GPD1L: variants seen among roughly 807,000 people sequenced by gnomAD.
The protein encoded by GPD1L is glycerol-3-phosphate dehydrogenase 1-like protein.
GPD1L carries 17 observed loss-of-function variants against 32.9 expected under a neutral mutation model. That is an observed-to-expected ratio of 0.52 (90% CI 0.35 to 0.78). GPD1L has a LOEUF of 0.78. Among genes scored for constraint, GPD1L ranks in the 30% least tolerant of loss-of-function variants. The probability of loss-of-function intolerance (pLI) is 0.01; values close to 1 mark genes in which losing one functional copy is unlikely to be tolerated. For missense variants in GPD1L, 361 were observed against 447.8 expected (o/e 0.81, Z 1.75); for synonymous variants, 187 against 165.9 (o/e 1.13, Z -0.98).
At chr3:32,125,992 G>C (rs1472742216) in intron 1 of GPD1L, among the ~76,000 whole-genome samples, 1 of 152,140 alleles carries the variant, frequency 6.6e-6, no homozygotes, top group African/African-American at 2.4e-5. Flanking sequence ...TACAGACATG[G>C]TCTGGAGGGC....
intron 1 of GPD1L, among the ~76,000 whole-genome samples, chr3:32,124,249 T>C (rs1464262211): frequency 6.6e-6 from 1 of 152,170 alleles, no homozygotes; most frequent in Non-Finnish European, 1.5e-5. Flanking sequence ...GTATTTTTAG[T>C]AGAGACAGGG....
At chr3:32,163,925 G>T (rs1701109647) in intron 7 of GPD1L, among the ~76,000 whole-genome samples, 1 of 152,226 alleles carries the variant, frequency 6.6e-6, no homozygotes, top group Non-Finnish European at 1.5e-5. Flanking sequence ...TAGAATCTCA[G>T]TGATCCTGTT....
At chr3:32,109,254 G>GT (rs1330117045) in intron 1 of GPD1L, among the ~76,000 whole-genome samples, 3 of 152,204 alleles carry the variant, frequency 2.0e-5, no homozygotes, top group Non-Finnish European at 4.4e-5. Context: ...TTTAACATTA[G>GT]TTTTTTAGTC....
chr3:32,153,805 G>A (rs1243382396), intron 5 of GPD1L, among the ~76,000 whole-genome samples: 1 of 152,132 alleles, frequency 6.6e-6, no homozygotes, highest in African/African-American at 2.4e-5. Context: ...TTCTTTTTGT[G>A]GGAAGGTGGA....
At chr3:32,145,403 C>CG (rs1700805248) in intron 4 of GPD1L, among the ~76,000 whole-genome samples, 1 of 152,150 alleles carries the variant, frequency 6.6e-6, no homozygotes, top group African/African-American at 2.4e-5. Context: ...TATGAGATTG[C>CG]TATAAATCAA....
In GPD1L at chr3:32,123,693, G is replaced by A. The variant is rs184354619; in HGVS notation, c.48-4383G>A. On this transcript the variant is annotated intron_variant, in intron 1 of 7. Transcript: ENST00000282541. ...CCTCGATTCTCAAAATGCGGGAGTC[G>A]AAAGACAGACAGACAGATAGATAGA... Among the ~76,000 whole-genome samples, 374 of 152,188 alleles carry A rather than the reference G, an allele frequency of 2.5e-3. 2 individuals carry two copies. Among genetic ancestry groups the A allele is most frequent in the Non-Finnish European group, 4.4e-3 (298 of 68,022 alleles).
intron 1 of GPD1L, among the ~76,000 whole-genome samples, chr3:32,113,156 C>T (rs985251122): frequency 5.8e-5 from 7 of 121,616 alleles, no homozygotes; most frequent in Non-Finnish European, 1.1e-4. Context: ...ATGTAGTCAT[C>T]CCTTCTCCTA....
chr3:32,153,744 A>G (rs1700951550), intron 5 of GPD1L, among the ~76,000 whole-genome samples: 3 of 152,182 alleles, frequency 2.0e-5, no homozygotes, highest in African/African-American at 4.8e-5. Flanking sequence ...CTGGGTGGTG[A>G]GAATGTTTAT....
intron 1 of GPD1L, among the ~76,000 whole-genome samples, chr3:32,112,028 G>C (rs1382375236): frequency 6.6e-6 from 1 of 152,194 alleles, no homozygotes; most frequent in Non-Finnish European, 1.5e-5. Context: ...CTTCTGCCTT[G>C]GAAGTTGGAG....
intron 4 of GPD1L, among the ~76,000 whole-genome samples, chr3:32,144,447 C>T (rs971525196): frequency 1.3e-5 from 2 of 152,190 alleles, no homozygotes; most frequent in Non-Finnish European, 2.9e-5. Flanking sequence ...CCTTATGGAA[C>T]TTGTAAGCAC....
intron 1 of GPD1L, among the ~76,000 whole-genome samples, chr3:32,121,933 G>T (rs1387000467): frequency 1.3e-5 from 2 of 151,694 alleles, no homozygotes; most frequent in South Asian, 2.1e-4. Context: ...ACCACGCCCG[G>T]CTAATTTTTG....
intron 1 of GPD1L, among the ~76,000 whole-genome samples, chr3:32,110,838 C>G (rs1700234617): frequency 6.6e-6 from 1 of 152,194 alleles, no homozygotes; most frequent in South Asian, 2.1e-4. Flanking sequence ...CAGGTTCTTT[C>G]AAAGATGAAA....
intron 1 of GPD1L, among the ~76,000 whole-genome samples, chr3:32,121,519 C>CTATATATATATT (rs1271929810): frequency 0.18 from 7,357 of 40,706 alleles, 1,635 homozygotes; most frequent in East Asian, 0.69. Context: ...ATATATTTCT[C>CTATATATATATT]TCTATATATA....
At chr3:32,126,892 C>G (rs1282054555) in intron 1 of GPD1L, among the ~76,000 whole-genome samples, 1 of 151,846 alleles carries the variant, frequency 6.6e-6, no homozygotes, top group African/African-American at 2.4e-5. Context: ...TTTTAAATCT[C>G]CCGGGTAACT....
chr3:32,145,587 G>T (rs554572338), intron 4 of GPD1L, among the ~76,000 whole-genome samples: 140 of 152,168 alleles, frequency 9.2e-4, no homozygotes, highest in African/African-American at 2.6e-3. Flanking sequence ...TTGAGGGAGG[G>T]GCTGGTCTGC....
intron 4 of GPD1L, among the ~76,000 whole-genome samples, chr3:32,141,960 A>G (rs1700750202): frequency 6.6e-6 from 1 of 151,972 alleles, no homozygotes; most frequent in African/African-American, 2.4e-5. Context: ...TCTCCTCTCT[A>G]GTAGTCCCCA....
At position 32,125,155 on chromosome 3, in the gene GPD1L, C is replaced by T. The variant is rs190253634; in HGVS notation, c.48-2921C>T. 5.6e-3 allele frequency among the ~76,000 whole-genome samples: 848 copies of T among 152,224 alleles called. 7 individuals are homozygous for T. Among genetic ancestry groups the T allele is most frequent in the African/African-American group, 0.019 (807 of 41,534 alleles). On this transcript the variant is annotated intron_variant, in intron 1 of 7. Transcript: ENST00000282541. ...TCCTTCCTTCAGCACTGAACACTAC[C>T]GCAGCCCCCAATCCCTCCCACCACA...
At chr3:32,112,487 A>AT (rs1439346649) in intron 1 of GPD1L, among the ~76,000 whole-genome samples, 6 of 152,126 alleles carry the variant, frequency 3.9e-5, no homozygotes, top group African/African-American at 9.7e-5. Context: ...AAATACAAAA[A>AT]TTAGCTGGGC....
intron 5 of GPD1L, among the ~76,000 whole-genome samples, chr3:32,152,845 G>GA (rs753256204): frequency 6.8e-4 from 74 of 108,982 alleles, no homozygotes; most frequent in South Asian, 1.2e-3. Flanking sequence ...AAGAAAGAAA[G>GA]AAAAAAAAAA....
Sources: allele counts gnomAD v4.1 joint callset (sites outside exome capture counted in the v4.1 genomes callset), GRCh38; gene constraint gnomAD v4.1.1; transcripts MANE v1.5; gene names NCBI Gene and HGNC (gene_info 2026-07-23, HGNC 2026-07-21).